SLC22A25: variants seen among roughly 807,000 people sequenced by gnomAD.
The protein encoded by SLC22A25 is MGI:2442751, MGI:2385316, MGI:3042283, MGI:3645714, MGI:3605624, MGI:2442750.
In SLC22A25, 44 loss-of-function variants were observed where a neutral mutation model predicts 45.9. The ratio of observed to expected loss-of-function variants is 0.96; its 90% CI spans 0.75 to 1.23. The LOEUF (loss-of-function observed/expected upper bound fraction) is 1.23. Ranked by LOEUF, SLC22A25 falls within the 50% of genes most tolerant of loss-of-function variation. The pLI is 0.00. For missense variants in SLC22A25, 800 were observed against 666.4 expected (o/e 1.20, Z -2.21); for synonymous variants, 283 against 238.6 (o/e 1.19, Z -1.72).
intron 1 of SLC22A25, among the ~76,000 whole-genome samples, chr11:63,239,336 A>G (rs2090211870): frequency 6.6e-6 from 1 of 152,168 alleles, no homozygotes; most frequent in African/African-American, 2.4e-5. Flanking sequence ...AAAGAAAAAT[A>G]TTTTGCTTGG....
intron 7 of SLC22A25, among the ~76,000 whole-genome samples, chr11:63,195,099 T>C (rs2088969939): frequency 1.3e-5 from 2 of 152,098 alleles, no homozygotes; most frequent in South Asian, 2.1e-4. Flanking sequence ...CCCAGATTCA[T>C]AAAGCTAGTC....
intron 7 of SLC22A25, among the ~76,000 whole-genome samples, chr11:63,210,803 G>T (rs149549482): frequency 2.6e-5 from 4 of 152,322 alleles, no homozygotes; most frequent in Admixed American, 6.5e-5. Context: ...CCAAAGAAAA[G>T]AAACCTTTAT....
At chr11:63,218,240 G>C (rs1333843019) in intron 5 of SLC22A25, 1 of 353,686 alleles carries the variant, frequency 2.8e-6, no homozygotes, top group South Asian at 2.4e-5. Flanking sequence ...GTGAATTAAT[G>C]TAGGAACAGA....
At position 63,229,745 on chromosome 11, in the gene SLC22A25, A is replaced by AGT. The variant is rs555942563; in HGVS notation, c.-95_-94dup. 2,782 of 1,330,056 alleles carry AGT rather than the reference A, an allele frequency of 2.1e-3. 5 individuals are homozygous for AGT. Among genetic ancestry groups the AGT allele is most frequent in the Non-Finnish European group, 2.7e-3 (2,613 of 980,954 alleles). 82.4% of individuals were successfully genotyped at this position (1,330,056 alleles called of 1,614,324 possible). A position where few individuals can be genotyped will look rare whatever the true frequency, so the allele number is the denominator to read the frequency against. On this transcript the variant is annotated 5_prime_UTR_variant, in exon 4 of 12. Transcript: ENST00000306494. ...TATTTCCTTTCCTTAAATCACACTA[A>AGT]GTGTGTGTGTTGATCCTGACCCCAC...
chr11:63,180,591 C>A (rs1437177375), intron 9 of SLC22A25, 69 bp downstream of exon 9: 2 of 1,082,480 alleles, frequency 1.8e-6, no homozygotes, highest in Admixed American at 2.4e-5. Context: ...CATGTTGTAT[C>A]ATTTGAAATA....
chr11:63,216,951 T>C lies in SLC22A25; in HGVS notation c.830+363A>G, dbSNP rs1041271430. Among the ~76,000 whole-genome samples, 42 of 152,242 alleles carry C rather than the reference T, an allele frequency of 2.8e-4. 1 individual carries two copies. The highest frequency in any genetic ancestry group is 2.8e-4 in the Non-Finnish European group (19 of 68,036). On this transcript the variant is annotated intron_variant, in intron 7 of 11. Transcript: ENST00000306494. Reference sequence around the variant, plus strand: ...TCATTACACTAAAAATTATTTGTTCTTTATCTGAAATTTGAATTAAATGGA... The same window carrying C: ...TCATTACACTAAAAATTATTTGTTCCTTATCTGAAATTTGAATTAAATGGA...
chr11:63,216,838 T>TA (rs35008097), intron 7 of SLC22A25, among the ~76,000 whole-genome samples: 70,364 of 151,998 alleles, frequency 0.46, 17,859 homozygotes, highest in Non-Finnish European at 0.57. Flanking sequence ...GATTTTCTTA[T>TA]AAAAAAAGTG....
At chr11:63,188,030 G>A (rs2088632781) in intron 7 of SLC22A25, among the ~76,000 whole-genome samples, 1 of 152,178 alleles carries the variant, frequency 6.6e-6, no homozygotes, top group Non-Finnish European at 1.5e-5. Flanking sequence ...TCTCTGCCAG[G>A]CTTTGGTATC....
At chr11:63,215,896 G>A (rs1326867400) in intron 7 of SLC22A25, among the ~76,000 whole-genome samples, 2 of 152,134 alleles carry the variant, frequency 1.3e-5, no homozygotes, top group African/African-American at 2.4e-5. Flanking sequence ...GTATTAGTTT[G>A]CTAAGGATGA....
Position 63,164,484 on chromosome 11 carries a change from G to C in SLC22A25, c.1394+42C>G, listed in dbSNP as rs190645799. On this transcript the variant is annotated intron_variant, in intron 11 of 11. Transcript: ENST00000306494. ...TGTTAAGTGTCAATTGGTTGAGACAGGTCCATTTTGAGAATGACAGAGCAC... is the reference window on the plus strand; with the variant it reads ...TGTTAAGTGTCAATTGGTTGAGACACGTCCATTTTGAGAATGACAGAGCAC... 294 of 1,526,882 alleles carry C rather than the reference G, an allele frequency of 1.9e-4. No individual in the cohort carries two copies. In the African/African-American group the frequency reaches 3.3e-3, roughly 17 times the overall value. The allele number at this position is 1,526,882 out of a possible 1,614,324, so 94.6% of individuals were successfully genotyped here.
At chr11:63,168,804 G>T (rs2087774189) in intron 9 of SLC22A25, among the ~76,000 whole-genome samples, 1 of 152,014 alleles carries the variant, frequency 6.6e-6, no homozygotes, top group South Asian at 2.1e-4. Flanking sequence ...ACAATTTCAG[G>T]ATATACAGAG....
chr11:63,183,329 A>G (rs2088397764), intron 8 of SLC22A25, among the ~76,000 whole-genome samples: 1 of 152,078 alleles, frequency 6.6e-6, no homozygotes, highest in South Asian at 2.1e-4. Flanking sequence ...TTTGCTCCCT[A>G]ATCCTTCCTT....
At chr11:63,199,793 A>G (rs1028012559) in intron 7 of SLC22A25, among the ~76,000 whole-genome samples, 2 of 150,306 alleles carry the variant, frequency 1.3e-5, no homozygotes, top group African/African-American at 4.9e-5. Context: ...CCAAAAATCA[A>G]TAGGCGACGT....
At chr11:63,212,889 T>C (rs1365686681) in intron 7 of SLC22A25, among the ~76,000 whole-genome samples, 1 of 152,192 alleles carries the variant, frequency 6.6e-6, no homozygotes. Flanking sequence ...AATTGTGTGC[T>C]ATTACAATAC....
At chr11:63,180,420 T>C (rs1939738) in intron 9 of SLC22A25, among the ~76,000 whole-genome samples, 150,389 of 152,292 alleles carry the variant, frequency 0.99, 74,294 homozygotes, top group Middle Eastern at 1. Context: ...TTGAAGTTCT[T>C]AGCATAAGTC....
At chr11:63,176,285 C>T (rs962275487) in intron 9 of SLC22A25, among the ~76,000 whole-genome samples, 3 of 151,934 alleles carry the variant, frequency 2.0e-5, no homozygotes, top group South Asian at 2.1e-4. Flanking sequence ...AGGGATTGCA[C>T]TGAATCTTCA....
chr11:63,176,095 A>G (rs2088079216), intron 9 of SLC22A25, among the ~76,000 whole-genome samples: 1 of 152,064 alleles, frequency 6.6e-6, no homozygotes, highest in Non-Finnish European at 1.5e-5. Context: ...TCTTTATGCA[A>G]GTACCATAGT....
intron 9 of SLC22A25, among the ~76,000 whole-genome samples, chr11:63,174,821 T>G (rs970443551): frequency 5.3e-5 from 8 of 152,130 alleles, no homozygotes; most frequent in Non-Finnish European, 1.0e-4. Flanking sequence ...CCCAGGAAAC[T>G]ATGATTCTAC....
In SLC22A25 at chr11:63,159,984, AT is replaced by A. The variant is rs761718351; in HGVS notation, c.*3839del. On this transcript the variant is annotated 3_prime_UTR_variant, in exon 12 of 12. Transcript: ENST00000306494. ...TGATTTAGGGTATCTGTCAGAAGAA[AT>A]TTTTAAGCAGCAAAGCATTCAAGAT... Among the ~76,000 whole-genome samples, 7 of 152,190 alleles carry A rather than the reference AT, an allele frequency of 4.6e-5. No homozygotes were observed. The highest frequency in any genetic ancestry group is 1.0e-4 in the Non-Finnish European group (7 of 68,042).
Sources: allele counts gnomAD v4.1 joint callset (sites outside exome capture counted in the v4.1 genomes callset), GRCh38; gene constraint gnomAD v4.1.1; transcripts MANE v1.5; gene names NCBI Gene and HGNC (gene_info 2026-07-23, HGNC 2026-07-21).